BMPR1B: variants seen among roughly 807,000 people sequenced by gnomAD.
The protein encoded by BMPR1B is bone morphogenetic protein receptor type-1B.
A neutral mutation model predicts 59.1 loss-of-function variants in BMPR1B; 12 were observed. The observed-to-expected ratio is 0.20, with a 90% CI of 0.13 to 0.33. The LOEUF (loss-of-function observed/expected upper bound fraction) is 0.33. Among genes scored for constraint, BMPR1B ranks in the 10% least tolerant of loss-of-function variants. The pLI is 1.00. For missense variants in BMPR1B, 550 were observed against 610.9 expected, an observed-to-expected ratio of 0.90 and a Z score of 1.05; for synonymous variants, 237 against 207.3, an observed-to-expected ratio of 1.14 and a Z score of -1.23.
chr4:95,107,385 A>C lies in BMPR1B; in HGVS notation c.143+2818A>C, dbSNP rs546814884. Reference sequence around the variant, plus strand: ...TGTAGTAGAGATGGAAGTCAGATTAAAATGGGTTGTGTTATATGGTTGTCA... The same window carrying C: ...TGTAGTAGAGATGGAAGTCAGATTACAATGGGTTGTGTTATATGGTTGTCA... On this transcript the variant is annotated intron_variant, in intron 4 of 12. Transcript: ENST00000515059. 1.1e-4 allele frequency among the ~76,000 whole-genome samples: 17 copies of C among 152,154 alleles called. No homozygotes were observed. The East Asian group carries it at 3.1e-3, about 28-fold the overall frequency.
At chr4:95,089,204 C>T (rs1729806431) in intron 3 of BMPR1B, among the ~76,000 whole-genome samples, 1 of 152,140 alleles carries the variant, frequency 6.6e-6, no homozygotes, top group South Asian at 2.1e-4. Context: ...ATAACACACA[C>T]AAATACATCT....
chr4:94,913,959 G>A (rs970399289), intron 2 of BMPR1B, among the ~76,000 whole-genome samples: 2 of 152,146 alleles, frequency 1.3e-5, no homozygotes, highest in Admixed American at 1.3e-4. Flanking sequence ...TTATTGGATA[G>A]GGTAGGTCCT....
At chr4:94,798,426 A>T (rs1425003744) in intron 1 of BMPR1B, among the ~76,000 whole-genome samples, 1 of 152,258 alleles carries the variant, frequency 6.6e-6, no homozygotes, top group Non-Finnish European at 1.5e-5. Flanking sequence ...AAGTAGCCTG[A>T]TGTGGTGCTA....
chr4:94,917,511 C>A (rs1728528789), intron 2 of BMPR1B, among the ~76,000 whole-genome samples: 1 of 152,210 alleles, frequency 6.6e-6, no homozygotes, highest in Non-Finnish European at 1.5e-5. Context: ...GATTTAACGA[C>A]TGCCCTGCTG....
intron 1 of BMPR1B, among the ~76,000 whole-genome samples, chr4:94,848,589 C>T (rs1412381096): frequency 1.3e-5 from 2 of 150,802 alleles, no homozygotes; most frequent in Non-Finnish European, 2.9e-5. Flanking sequence ...GTCTCATAGA[C>T]AGTCTTAAGG....
intron 2 of BMPR1B, among the ~76,000 whole-genome samples, chr4:94,940,294 C>T (rs930915575): frequency 2.0e-5 from 3 of 152,124 alleles, no homozygotes; most frequent in Non-Finnish European, 4.4e-5. Flanking sequence ...TTTCTTAAAA[C>T]ATTATGAGAT....
At chr4:94,950,023 G>A (rs1285345610) in intron 2 of BMPR1B, among the ~76,000 whole-genome samples, 4 of 152,080 alleles carry the variant, frequency 2.6e-5, no homozygotes, top group Non-Finnish European at 5.9e-5. Flanking sequence ...GTTTTGATTT[G>A]CATTTCTCTA....
intron 2 of BMPR1B, among the ~76,000 whole-genome samples, chr4:94,951,008 G>A (rs1578840842): frequency 1.3e-5 from 2 of 152,148 alleles, no homozygotes; most frequent in East Asian, 1.9e-4. Context: ...TCCCTTGTAA[G>A]TTGTATTCCT....
chr4:94,816,249 C>T (rs995226122), intron 1 of BMPR1B, among the ~76,000 whole-genome samples: 3 of 152,154 alleles, frequency 2.0e-5, no homozygotes, highest in Admixed American at 6.5e-5. Flanking sequence ...CAGGTTCAAG[C>T]GATTCTCCTG....
chr4:95,083,945 ATTAGT>A (rs1729369795), intron 3 of BMPR1B, among the ~76,000 whole-genome samples: 2 of 152,192 alleles, frequency 1.3e-5, no homozygotes, highest in South Asian at 2.1e-4. Flanking sequence ...TTACTCTGTG[ATTAGT>A]TTAATTTTGG....
intron 1 of BMPR1B, among the ~76,000 whole-genome samples, chr4:94,825,883 T>C (rs1197062223): frequency 6.6e-6 from 1 of 152,166 alleles, no homozygotes; most frequent in Non-Finnish European, 1.5e-5. Flanking sequence ...GAATTAAAAA[T>C]ACCACAACAA....
At chr4:94,922,396 A>G (rs1297574018) in intron 2 of BMPR1B, among the ~76,000 whole-genome samples, 1 of 152,202 alleles carries the variant, frequency 6.6e-6, no homozygotes, top group East Asian at 1.9e-4. Flanking sequence ...TGCTGTCAAC[A>G]CAATAGCAAT....
At chr4:95,086,505 A>G (rs17022989) in intron 3 of BMPR1B, among the ~76,000 whole-genome samples, 93,854 of 152,022 alleles carry the variant, frequency 0.62, 29,820 homozygotes, top group South Asian at 0.73. Flanking sequence ...AAAAACTTAC[A>G]TGTGTTGATA....
intron 2 of BMPR1B, among the ~76,000 whole-genome samples, chr4:94,966,079 C>G (rs1012051131): frequency 1.3e-5 from 2 of 152,154 alleles, no homozygotes; most frequent in Non-Finnish European, 2.9e-5. Context: ...TAAATATTGA[C>G]TTTTGAAATG....
intron 3 of BMPR1B, among the ~76,000 whole-genome samples, chr4:95,056,976 C>G (rs981220898): frequency 6.6e-6 from 1 of 152,092 alleles, no homozygotes; most frequent in Non-Finnish European, 1.5e-5. Flanking sequence ...TTGATATAAT[C>G]CCTCATTGTG....
chr4:94,770,417 G>A (rs754377855), intron 1 of BMPR1B, among the ~76,000 whole-genome samples: 1 of 151,812 alleles, frequency 6.6e-6, no homozygotes, highest in Non-Finnish European at 1.5e-5. Context: ...GTGACTTCTA[G>A]CTCCTTTTCA....
intron 3 of BMPR1B, among the ~76,000 whole-genome samples, chr4:95,047,350 C>T (rs1168290835): frequency 6.6e-6 from 1 of 152,136 alleles, no homozygotes. Context: ...TGGTTTTTAA[C>T]TCTTTTTTTA....
chr4:95,113,141 C>T (rs1019083588), intron 4 of BMPR1B, among the ~76,000 whole-genome samples: 7 of 152,004 alleles, frequency 4.6e-5, no homozygotes, highest in African/African-American at 2.4e-5. Flanking sequence ...TTTAATTATT[C>T]CCTTCGGTGT....
intron 2 of BMPR1B, among the ~76,000 whole-genome samples, chr4:94,906,171 C>T (rs1728032109): frequency 1.3e-5 from 2 of 151,910 alleles, no homozygotes; most frequent in South Asian, 4.1e-4. Context: ...AGATAAATAG[C>T]TCCTTAGATT....
Sources: allele counts gnomAD v4.1 joint callset (sites outside exome capture counted in the v4.1 genomes callset), GRCh38; gene constraint gnomAD v4.1.1; transcripts MANE v1.5; gene names NCBI Gene and HGNC (gene_info 2026-07-23, HGNC 2026-07-21).